Variants in CORIN observed in about 807,000 individuals in gnomAD.
The protein encoded by CORIN is atrial natriuretic peptide-converting enzyme.
Under a neutral mutation model 125.3 loss-of-function variants are expected in CORIN, and 117 were observed. The observed-to-expected ratio is 0.93, with a 90% confidence interval of 0.80 to 1.09. The LOEUF (loss-of-function observed/expected upper bound fraction) is 1.09, where lower values mean the gene tolerates loss of function less well. Ranked by LOEUF, CORIN falls within the 50% of genes least tolerant of loss-of-function variation. The pLI, the probability that CORIN is intolerant of heterozygous loss-of-function variation, is 0.00. For synonymous variants in CORIN, 450 were observed against 466.4 expected, an observed-to-expected ratio of 0.96 and a Z score of 0.45; for missense variants, 1,253 against 1,306.7, an observed-to-expected ratio of 0.96 and a Z score of 0.63.
intron 2 of CORIN, among the ~76,000 whole-genome samples, chr4:47,795,932 T>C (rs1008965219): frequency 6.6e-6 from 1 of 152,100 alleles, no homozygotes; most frequent in Non-Finnish European, 1.5e-5. Flanking sequence ...ATCATGGTTG[T>C]TATGATGGCT....
At chr4:47,661,679 G>C in intron 12 of CORIN, 32 bp downstream of exon 12, 26 of 1,575,252 alleles carry the variant, frequency 1.7e-5, no homozygotes, top group Non-Finnish European at 1.9e-5. Flanking sequence ...ATCCATGTTA[G>C]ATACCCTGCT....
chr4:47,812,669 C>T lies in CORIN; in HGVS notation c.64-5622G>A, dbSNP rs116100715. ...GCTAGAAAGTACAAATTTATTCCTGCTTCTTTAAAAACACAATCATAGCAG... is the reference window on the plus strand; with the variant it reads ...GCTAGAAAGTACAAATTTATTCCTGTTTCTTTAAAAACACAATCATAGCAG... On this transcript the variant is annotated intron_variant, in intron 1 of 21. Transcript: ENST00000273857. Among the ~76,000 whole-genome samples the T allele has an allele frequency of 7.4e-3, 1,131 of 152,280 alleles. 12 individuals carry two copies. Among genetic ancestry groups the T allele is most frequent in the African/African-American group, 0.026 (1,067 of 41,556 alleles).
At chr4:47,658,599 G>A (rs2109657424) in intron 12 of CORIN, among the ~76,000 whole-genome samples, 1 of 152,382 alleles carries the variant, frequency 6.6e-6, no homozygotes, top group South Asian at 2.1e-4. Flanking sequence ...GATGCAGGGA[G>A]CAGTGTCCTA....
Position 47,823,430 on chromosome 4 carries a change from C to A in CORIN, c.63+14457G>T, listed in dbSNP as rs550752762. 2.6e-5 allele frequency among the ~76,000 whole-genome samples: 4 copies of A among 152,260 alleles called. No homozygotes were observed. In the East Asian group the frequency reaches 7.7e-4, roughly 29 times the overall value. On this transcript the variant is annotated intron_variant, in intron 1 of 21. Coordinates refer to ENST00000273857, the MANE Select transcript of CORIN (RefSeq NM_006587.4). ...ACATTTAAAAAACAAGATCTGAGGG[C>A]CCCTTGGTATGCATATGATGTGCTC... is the stretch of plus-strand genomic sequence containing the variant.
intron 3 of CORIN, among the ~76,000 whole-genome samples, chr4:47,773,586 A>G (rs1022809347): frequency 6.6e-6 from 1 of 152,124 alleles, no homozygotes; most frequent in Non-Finnish European, 1.5e-5. Flanking sequence ...AATCAAGTTG[A>G]GCAATTGTTT....
At chr4:47,812,180 T>G (rs965074911) in intron 1 of CORIN, among the ~76,000 whole-genome samples, 5 of 152,024 alleles carry the variant, frequency 3.3e-5, no homozygotes, top group Admixed American at 2.6e-4. Context: ...AAAATAATCT[T>G]CAAAGTAGAA....
chr4:47,606,609 A>ATCCT (rs897630992), intron 19 of CORIN, among the ~76,000 whole-genome samples: 3 of 151,576 alleles, frequency 2.0e-5, no homozygotes. Flanking sequence ...TGCTTTTCTT[A>ATCCT]TCCTTCCTTC....
Position 47,595,227 on chromosome 4 carries a change from A to AG in CORIN, c.*493_*494insC, listed in dbSNP as rs1206674225. The AG allele has an allele frequency of 1.3e-5, 2 of 152,384 alleles. No individual in the cohort carries two copies. The highest frequency in any genetic ancestry group is 2.4e-5 in the African/African-American group (1 of 41,464). The allele number at this position is 152,384 out of a possible 1,614,324, so 9.4% of individuals were successfully genotyped here. On this transcript the variant is annotated 3_prime_UTR_variant, in exon 22 of 22. Transcript: ENST00000273857. ...GTACCCTAAAATTCGAAGTGTAATA[A>AG]AAAAGAATTGTGGGGTATAAAAAAA...
At chr4:47,644,696 G>A (rs946892934) in intron 14 of CORIN, among the ~76,000 whole-genome samples, 1 of 152,042 alleles carries the variant, frequency 6.6e-6, no homozygotes, top group African/African-American at 2.4e-5. Flanking sequence ...GGACAATAGT[G>A]CACATAATAC....
chr4:47,762,743 C>T (rs1292044482), intron 4 of CORIN, among the ~76,000 whole-genome samples: 1 of 152,162 alleles, frequency 6.6e-6, no homozygotes, highest in East Asian at 1.9e-4. Flanking sequence ...GCACCCTTGT[C>T]CTCTGGTTGT....
chr4:47,606,766 C>T (rs1323157118), intron 19 of CORIN, among the ~76,000 whole-genome samples: 1 of 150,328 alleles, frequency 6.7e-6, no homozygotes, highest in East Asian at 2.0e-4. Context: ...CCTCCCTTCT[C>T]TCCTTTCTTC....
chr4:47,623,820 T>C (rs1437174124), intron 18 of CORIN, 75 bp from the exon 19 acceptor site: 13 of 1,608,524 alleles, frequency 8.1e-6, no homozygotes, highest in Non-Finnish European at 1.1e-5. Flanking sequence ...TGCTGTCACT[T>C]ACAAGCGATC....
At chr4:47,596,419 A>G (rs1054201917) in intron 21 of CORIN, among the ~76,000 whole-genome samples, 3 of 152,202 alleles carry the variant, frequency 2.0e-5, no homozygotes, top group Non-Finnish European at 4.4e-5. Flanking sequence ...ACTTCTTAAT[A>G]GTTCTTAGGA....
intron 16 of CORIN, among the ~76,000 whole-genome samples, chr4:47,638,116 T>G (rs999383278): frequency 1.3e-5 from 2 of 152,230 alleles, no homozygotes; most frequent in South Asian, 4.1e-4. Flanking sequence ...ATTTCAGACT[T>G]GCATGGGGCC....
intron 5 of CORIN, among the ~76,000 whole-genome samples, chr4:47,741,711 A>G (rs1275879316): frequency 1.3e-5 from 2 of 152,088 alleles, no homozygotes. Flanking sequence ...ACAATGGAGT[A>G]TCAATTGACA....
At chr4:47,814,697 C>T (rs1484261668) in intron 1 of CORIN, among the ~76,000 whole-genome samples, 1 of 152,104 alleles carries the variant, frequency 6.6e-6, no homozygotes, top group African/African-American at 2.4e-5. Flanking sequence ...TCCCAGGAAG[C>T]ATAAAGAACA....
At chr4:47,606,559 G>T (rs1721650913) in intron 19 of CORIN, among the ~76,000 whole-genome samples, 2 of 152,086 alleles carry the variant, frequency 1.3e-5, no homozygotes, top group African/African-American at 2.4e-5. Context: ...CAGCCCAGAA[G>T]AATTATTTTT....
At chr4:47,719,426 C>T (rs1037309668) in intron 5 of CORIN, among the ~76,000 whole-genome samples, 5 of 152,194 alleles carry the variant, frequency 3.3e-5, no homozygotes, top group Non-Finnish European at 5.9e-5. Context: ...TAACCATCTG[C>T]TATATGAAGG....
Position 47,806,893 on chromosome 4 carries a change from C to T in CORIN, c.208+10G>A. ...TAACTTCATTTTTATTTAATAATGG[C>T]CTCACCCACCAACATAGGAAAGCAG... is the stretch of plus-strand genomic sequence containing the variant. On this transcript the variant is annotated intron_variant, in intron 2 of 21. Transcript: ENST00000273857. 1 of 1,605,228 alleles carries T rather than the reference C, an allele frequency of 6.2e-7. No homozygotes were observed. Among genetic ancestry groups the T allele is most frequent in the Non-Finnish European group, 8.5e-7 (1 of 1,177,062 alleles).
Sources: gnomAD v4.1 joint callset for allele counts (sites outside exome capture counted in the v4.1 genomes callset) on GRCh38, gnomAD v4.1.1 for gene constraint, MANE v1.5 for transcripts, NCBI Gene and HGNC (gene_info 2026-07-23, HGNC 2026-07-21) for gene names.